The following PLAC1 variants were observed in gnomAD, a reference collection of about 807,000 sequenced individuals.
PLAC1 encodes placenta associated 1.
For missense variants in PLAC1, 136 were observed against 163.2 expected (o/e 0.83, Z 0.91); for synonymous variants, 68 against 62.1 (o/e 1.09, Z -0.44).
rs770366945 is a variant in PLAC1 at position 134,616,033 on chromosome X, G to A, written c.-130-13911C>T. 1.3e-4 allele frequency among the ~76,000 whole-genome samples: 14 copies of A among 110,755 alleles called. No individual in the cohort carries two copies. In the East Asian group the frequency reaches 4.0e-3, roughly 31 times the overall value. ...TCTTGCTCATCACTCAGGCTAGAGAGCAGTGGCAAAATCATAGCACAGTGT... is the reference window on the plus strand; with the variant it reads ...TCTTGCTCATCACTCAGGCTAGAGAACAGTGGCAAAATCATAGCACAGTGT... On this transcript the variant is annotated intron_variant, in intron 1 of 2. Transcript: ENST00000359237.
intron 2 of PLAC1, among the ~76,000 whole-genome samples, chrX:134,673,392 CAG>C (rs1232900519): frequency 9.2e-6 from 1 of 108,205 alleles, no homozygotes. Flanking sequence ...AGAGGGGAGA[CAG>C]GGAAAAGGGA....
intron 2 of PLAC1, among the ~76,000 whole-genome samples, chrX:134,672,662 C>A (rs1339130094): frequency 8.9e-6 from 1 of 112,463 alleles, no homozygotes; most frequent in Non-Finnish European, 1.9e-5. Flanking sequence ...GCAAAGGATT[C>A]TTTCATAAGT....
At chrX:134,687,769 G>A (rs1259462087) in intron 2 of PLAC1, among the ~76,000 whole-genome samples, 5 of 86,122 alleles carry the variant, frequency 5.8e-5, no homozygotes, top group Non-Finnish European at 1.1e-4. Context: ...TACAATGAAG[G>A]GAATAATAGT....
At chrX:134,751,085 C>G (rs1328427425) in intron 1 of PLAC1, among the ~76,000 whole-genome samples, 1 of 85,151 alleles carries the variant, frequency 1.2e-5, no homozygotes. Flanking sequence ...ATCATGCCAC[C>G]GCACTGCAGC....
chrX:134,723,380 T>C (rs1159064735), intron 2 of PLAC1, among the ~76,000 whole-genome samples: 3 of 107,311 alleles, frequency 2.8e-5, no homozygotes, highest in African/African-American at 1.0e-4. Flanking sequence ...GGATCATGGC[T>C]CAGCGCAGCC....
At chrX:134,607,287 G>A in intron 1 of PLAC1, 1 of 146,557 alleles carries the variant, frequency 6.8e-6, no homozygotes, top group Non-Finnish European at 1.4e-5. Flanking sequence ...AAGGGAATGG[G>A]CACTGTTCAG....
Position 134,675,665 on chromosome X carries a change from C to CA in PLAC1, n.174+57769dup, listed in dbSNP as rs745755595. On this transcript the variant is annotated intron_variant and non_coding_transcript_variant, in intron 2 of 2. Coordinates refer to the PLAC1 transcript ENST00000466797. ...GGGCAACAAGAGCGAAACTCCATCT[C>CA]AAAAAAAAAAAAAAAGAAAGTGGCC... Among the ~76,000 whole-genome samples the CA allele has an allele frequency of 6.1e-3, 493 of 80,880 alleles. 2 individuals carry two copies. The highest frequency in any genetic ancestry group is 0.018 in the African/African-American group (392 of 21,929). 70.2% of individuals were successfully genotyped at this position (80,880 alleles called of 115,157 possible).
In PLAC1 at chrX:134,757,791, T is replaced by C. The variant is rs186622100; in HGVS notation, n.89+6443A>G. Among the ~76,000 whole-genome samples, 53 of 111,296 alleles carry C rather than the reference T, an allele frequency of 4.8e-4. No individual in the cohort carries two copies. The Middle Eastern group carries it at 0.014, about 29-fold the overall frequency. On this transcript the variant is annotated intron_variant and non_coding_transcript_variant, in intron 1 of 2. Transcript: ENST00000466797. ...ATGGTTCATAAAATATGTATATATATATATGTATGTTCTATGTAGTGTTAT... is the reference window on the plus strand; with the variant it reads ...ATGGTTCATAAAATATGTATATATACATATGTATGTTCTATGTAGTGTTAT...
chrX:134,624,908 TGATAGATAGATA>T (rs58742246), intron 1 of PLAC1, among the ~76,000 whole-genome samples: 108 of 103,422 alleles, frequency 1.0e-3, no homozygotes, highest in South Asian at 2.3e-3. Context: ...GACAGATAAA[TGATAGATAGATA>T]GATAGATAGA....
At chrX:134,586,851 G>GTGTGTGTA (rs1156785583) in intron 2 of PLAC1, among the ~76,000 whole-genome samples, 6 of 102,061 alleles carry the variant, frequency 5.9e-5, no homozygotes, top group Non-Finnish European at 1.2e-4. Flanking sequence ...GTGTGTGTGT[G>GTGTGTGTA]TGTGTGTGTG....
chrX:134,737,766 G>C (rs1333723172), intron 1 of PLAC1, among the ~76,000 whole-genome samples: 1 of 112,744 alleles, frequency 8.9e-6, no homozygotes, highest in Non-Finnish European at 1.9e-5. Context: ...TTGGCTTATG[G>C]GAAGTCAGGT....
chrX:134,606,894 CAT>C (rs1431269155), intron 1 of PLAC1, among the ~76,000 whole-genome samples: 1 of 111,768 alleles, frequency 8.9e-6, no homozygotes, highest in African/African-American at 3.3e-5. Context: ...AGAATGAAAT[CAT>C]GTGTTTTGCA....
intron 1 of PLAC1, among the ~76,000 whole-genome samples, chrX:134,620,353 CT>C (rs768781241): frequency 9.3e-4 from 104 of 112,304 alleles, no homozygotes; most frequent in African/African-American, 3.1e-3. Flanking sequence ...CCATTTCCCC[CT>C]GGCCTCTTGT....
At chrX:134,567,203 G>C (rs1347444084) in intron 2 of PLAC1, among the ~76,000 whole-genome samples, 1 of 112,053 alleles carries the variant, frequency 8.9e-6, no homozygotes, top group African/African-American at 3.2e-5. Flanking sequence ...CAACAGATTT[G>C]ATCAAATAAA....
chrX:134,729,740 C>A (rs1202000625), intron 2 of PLAC1, among the ~76,000 whole-genome samples: 2 of 112,159 alleles, frequency 1.8e-5, no homozygotes, highest in Non-Finnish European at 3.8e-5. Flanking sequence ...TTATGATATT[C>A]TTTCCATAGA....
intron 1 of PLAC1, among the ~76,000 whole-genome samples, chrX:134,759,746 T>C (rs1240760396): frequency 8.9e-6 from 1 of 112,014 alleles, no homozygotes; most frequent in East Asian, 2.8e-4. Flanking sequence ...TAAAAAAGAA[T>C]GAAATCATGT....
chrX:134,628,091 A>T (rs920463421), intron 1 of PLAC1, among the ~76,000 whole-genome samples: 3 of 112,399 alleles, frequency 2.7e-5, no homozygotes, highest in African/African-American at 9.7e-5. Flanking sequence ...TAAAGAGCTC[A>T]GCATGGTGCC....
At chrX:134,701,058 A>G (rs900283518) in intron 2 of PLAC1, among the ~76,000 whole-genome samples, 11 of 112,285 alleles carry the variant, frequency 9.8e-5, no homozygotes, top group Non-Finnish European at 2.1e-4. Flanking sequence ...TACAGTAATC[A>G]AAACAGTGTG....
At chrX:134,693,181 C>G (rs189118100) in intron 2 of PLAC1, among the ~76,000 whole-genome samples, 5 of 111,097 alleles carry the variant, frequency 4.5e-5, no homozygotes, top group Admixed American at 9.6e-5. Context: ...GGTCTCTAGA[C>G]ATCCTGACTC....
Sources: gnomAD v4.1 joint callset for allele counts (sites outside exome capture counted in the v4.1 genomes callset) on GRCh38, gnomAD v4.1.1 for gene constraint, MANE v1.5 for transcripts, NCBI Gene and HGNC (gene_info 2026-07-23, HGNC 2026-07-21) for gene names.